Variants in ORC3 observed in about 807,000 individuals in gnomAD.
ORC3 encodes origin recognition complex subunit 3.
ORC3 carries 78 observed loss-of-function variants against 100.7 expected under a neutral mutation model. The ratio of observed to expected loss-of-function variants is 0.77; its 90% confidence interval spans 0.65 to 0.94. The LOEUF is 0.94. Among genes scored for constraint, ORC3 ranks in the 40% least tolerant of loss-of-function variants. ORC3 has a pLI of 0.00. For missense variants in ORC3, 789 were observed against 823.9 expected (o/e 0.96, Z 0.52); for synonymous variants, 295 against 289.3 (o/e 1.02, Z -0.20).
At chr6:87,661,135 T>G (rs1416773958) in intron 16 of ORC3, among the ~76,000 whole-genome samples, 1 of 152,194 alleles carries the variant, frequency 6.6e-6, no homozygotes, top group Non-Finnish European at 1.5e-5. Flanking sequence ...CAATCCTTAT[T>G]ACATAGCAGG....
chr6:87,668,187 C>T (rs1770756674), downstream of ORC3, among the ~76,000 whole-genome samples: 1 of 152,176 alleles, frequency 6.6e-6, no homozygotes, highest in Non-Finnish European at 1.5e-5. Context: ...TTTAAGGCTA[C>T]TCACTAACAT....
intron 2 of ORC3, 172 bp downstream of exon 2, chr6:87,594,579 T>G: frequency 1.6e-6 from 2 of 1,263,128 alleles, no homozygotes; most frequent in African/African-American, 1.5e-5. Flanking sequence ...CCCAGGGCTC[T>G]AATTGAAAAG....
At chr6:87,611,152 G>T (rs1336952105) in intron 7 of ORC3, among the ~76,000 whole-genome samples, 1 of 151,422 alleles carries the variant, frequency 6.6e-6, no homozygotes, top group Non-Finnish European at 1.5e-5. Context: ...GCCCAGGCTG[G>T]TCTCAAACTC....
chr6:87,635,792 A>T (rs1767772680), intron 12 of ORC3, among the ~76,000 whole-genome samples: 1 of 151,548 alleles, frequency 6.6e-6, no homozygotes, highest in Admixed American at 6.6e-5. Context: ...ACTCCGTCTA[A>T]AAAAAAAGAA....
At chr6:87,657,873 G>A (rs1353113990) in intron 15 of ORC3, 48 bp from the exon 16 acceptor site, 2 of 1,040,804 alleles carry the variant, frequency 1.9e-6, no homozygotes, top group Admixed American at 1.7e-5. Flanking sequence ...CCTCTGAGGG[G>A]TTTTCTGTCT....
intron 11 of ORC3, among the ~76,000 whole-genome samples, chr6:87,633,624 A>T (rs1158303619): frequency 6.6e-6 from 1 of 152,120 alleles, no homozygotes; most frequent in Non-Finnish European, 1.5e-5. Flanking sequence ...GCTTGAATTT[A>T]TTGATATCTG....
At chr6:87,646,850 T>A (rs551137126) in intron 13 of ORC3, among the ~76,000 whole-genome samples, 44 of 152,318 alleles carry the variant, frequency 2.9e-4, no homozygotes, top group African/African-American at 1.0e-3. Flanking sequence ...ATACCTCCAC[T>A]TAGATATCCA....
chr6:87,591,159 A>G (rs909750770), intron 1 of ORC3, among the ~76,000 whole-genome samples: 1 of 152,258 alleles, frequency 6.6e-6, no homozygotes, highest in Non-Finnish European at 1.5e-5. Context: ...TAGTGCAGAT[A>G]TAGGACATTT....
intron 11 of ORC3, among the ~76,000 whole-genome samples, chr6:87,627,378 C>T (rs923425347): frequency 6.7e-6 from 1 of 148,974 alleles, no homozygotes; most frequent in African/African-American, 2.5e-5. Context: ...TCACTGCAAC[C>T]TCCACCTCCT....
At chr6:87,630,785 G>C (rs995693300) in intron 11 of ORC3, among the ~76,000 whole-genome samples, 1 of 152,142 alleles carries the variant, frequency 6.6e-6, no homozygotes, top group Non-Finnish European at 1.5e-5. Context: ...CTGGAGGAAG[G>C]GAATTCTAAG....
rs540394249 is a variant in ORC3 at position 87,593,214 on chromosome 6, A to G, written c.25-1139A>G. Among the ~76,000 whole-genome samples, 44 of 152,384 alleles carry G rather than the reference A, an allele frequency of 2.9e-4. No homozygotes were observed. The South Asian group carries it at 5.8e-3, about 20-fold the overall frequency. On this transcript the variant is annotated intron_variant, in intron 1 of 19. Coordinates refer to ENST00000392844, the MANE Select transcript of ORC3 (RefSeq NM_012381.4). ...GATCTACCACTGGTCAAACAATAAT[A>G]TGAAACTAAACATAGCTGGGAAATT... is the stretch of plus-strand genomic sequence containing the variant.
the ORC3 span, among the ~76,000 whole-genome samples, chr6:87,676,125 C>A: frequency 6.6e-6 from 1 of 151,900 alleles, no homozygotes; most frequent in Non-Finnish European, 1.5e-5. Context: ...TTAGTCCAAT[C>A]ACATGACCTG....
At chr6:87,655,073 G>C (rs1030811042) in intron 14 of ORC3, among the ~76,000 whole-genome samples, 1 of 152,134 alleles carries the variant, frequency 6.6e-6, no homozygotes, top group Admixed American at 6.5e-5. Context: ...AACTCCCCAC[G>C]TTGGATGAGT....
intron 11 of ORC3, among the ~76,000 whole-genome samples, chr6:87,632,452 A>G (rs1157737080): frequency 6.6e-6 from 1 of 152,220 alleles, no homozygotes; most frequent in Admixed American, 6.5e-5. Context: ...TCATTCGTTA[A>G]GTCCATCATA....
intron 2 of ORC3, among the ~76,000 whole-genome samples, chr6:87,600,185 AT>A (rs1400737776): frequency 6.6e-6 from 1 of 152,228 alleles, no homozygotes; most frequent in African/African-American, 2.4e-5. Flanking sequence ...ATTCCAAACT[AT>A]CAGTTAACAT....
intron 7 of ORC3, among the ~76,000 whole-genome samples, chr6:87,611,137 G>A (rs1383540940): frequency 2.0e-5 from 3 of 151,160 alleles, no homozygotes; most frequent in Non-Finnish European, 3.0e-5. Context: ...GGGTTTTGCC[G>A]TGTTGCCCAG....
intron 14 of ORC3, among the ~76,000 whole-genome samples, chr6:87,656,482 G>A (rs9294384): frequency 0.32 from 48,852 of 151,898 alleles, 7,961 homozygotes; most frequent in Admixed American, 0.41. Context: ...CAGCTACTCC[G>A]GAGGCTGAGG....
chr6:87,674,452 A>AC, the ORC3 span, among the ~76,000 whole-genome samples: 2 of 151,772 alleles, frequency 1.3e-5, no homozygotes, highest in East Asian at 3.8e-4. Flanking sequence ...TCATTATAAG[A>AC]AAGCTATGTC....
downstream of ORC3, among the ~76,000 whole-genome samples, chr6:87,672,370 G>GAA (rs1177977659): frequency 6.6e-6 from 1 of 152,140 alleles, no homozygotes; most frequent in African/African-American, 2.4e-5. Flanking sequence ...ATTTAGTAGA[G>GAA]AAAGAAAATA....
Sources: allele counts gnomAD v4.1 joint callset (sites outside exome capture counted in the v4.1 genomes callset), GRCh38; gene constraint gnomAD v4.1.1; transcripts MANE v1.5; gene names NCBI Gene and HGNC (gene_info 2026-07-23, HGNC 2026-07-21).